Variants in GAD1 observed in about 807,000 individuals in gnomAD.
GAD1 encodes glutamate decarboxylase 1, also known as 67 kDa glutamic acid decarboxylase.
GAD1 carries 35 observed loss-of-function variants against 75.2 expected under a neutral mutation model. The observed-to-expected ratio is 0.47, with a 90% CI of 0.36 to 0.62. The LOEUF is 0.62. Ranked by LOEUF, GAD1 falls within the 20% of genes least tolerant of loss-of-function variation. The pLI is 0.00. For synonymous variants in GAD1, 257 were observed against 271.9 expected (o/e 0.95, Z 0.54); for missense variants, 490 against 758.5 (o/e 0.65, Z 4.16).
chr2:170,845,522 C>T lies in GAD1; in HGVS notation c.768C>T (p.Asn256=). ...TGCTGACAGGGGGCGCCATATCCAACATGTACAGCATCATGGCTGCTCGCT... is the reference window on the plus strand; with the variant it reads ...TGCTGACAGGGGGCGCCATATCCAATATGTACAGCATCATGGCTGCTCGCT... ...GIFSPGGAIS[N]MYSIMAARYK... Residue 256 remains asparagine (N), a synonymous_variant, in exon 8 of 17, where the codon AAC becomes AAT. Transcript: ENST00000358196. The T allele has an allele frequency of 6.2e-7, 1 of 1,613,762 alleles. No homozygotes were observed. Among genetic ancestry groups the T allele is most frequent in the Non-Finnish European group, 8.5e-7 (1 of 1,179,994 alleles).
intron 5 of GAD1, among the ~76,000 whole-genome samples, chr2:170,834,683 G>A (rs1002788658): frequency 1.3e-5 from 2 of 151,674 alleles, no homozygotes; most frequent in Non-Finnish European, 2.9e-5. Flanking sequence ...GCTTTTACCT[G>A]TACCGCCATC....
Position 170,842,318 on chromosome 2 carries a change from AT to A in GAD1, c.639-1724del, listed in dbSNP as rs570657785. On this transcript the variant is annotated intron_variant, in intron 6 of 16. Coordinates refer to ENST00000358196, the MANE Select transcript of GAD1 (RefSeq NM_000817.3). ...TATGGTTCTGATATTACGGTATGTG[AT>A]TTCATTTGTTCCTTGCCTTACCCCA... 3.3e-5 allele frequency among the ~76,000 whole-genome samples: 5 copies of A among 152,252 alleles called. No individual in the cohort carries two copies. In the South Asian group the frequency reaches 1.0e-3, roughly 32 times the overall value.
intron 12 of GAD1, 63 bp downstream of exon 12, chr2:170,849,413 G>A (rs1702704025): frequency 6.7e-7 from 1 of 1,481,794 alleles, no homozygotes; most frequent in Admixed American, 1.7e-5. Flanking sequence ...ATGCTCTGAT[G>A]TCAGCCTGCA....
rs574914792 is a variant in GAD1, at chr2:170,859,346, A to G, written c.1612-363A>G. On this transcript the variant is annotated intron_variant, in intron 16 of 16. Transcript: ENST00000358196. ...ATTTATATAACATTTCATTCATCCAACCATTCAACAAATATTTGTTAAACA... is the reference window on the plus strand; with the variant it reads ...ATTTATATAACATTTCATTCATCCAGCCATTCAACAAATATTTGTTAAACA... Among the ~76,000 whole-genome samples, 10 of 152,236 alleles carry G rather than the reference A, an allele frequency of 6.6e-5. No homozygotes were observed. The South Asian group carries it at 1.7e-3, about 25-fold the overall frequency.
chr2:170,844,870 G>A (rs1702598851), intron 7 of GAD1, among the ~76,000 whole-genome samples: 1 of 152,178 alleles, frequency 6.6e-6, no homozygotes, highest in South Asian at 2.1e-4. Flanking sequence ...ATTTGCCTAA[G>A]TTTAATTGTC....
Position 170,822,273 on chromosome 2 carries a change from A to G in GAD1, c.145+124A>G. The stretch of plus-strand genomic sequence containing the variant: ...ATGGGTCTGATTTTCTAATGTAATT[A>G]CAGCCAGGACAGCCAGCGACCACGC... On this transcript the variant is annotated intron_variant, in intron 3 of 16. Transcript: ENST00000358196. 4 of 805,908 alleles carry G rather than the reference A, an allele frequency of 5.0e-6. No homozygotes were observed. In the South Asian group the frequency reaches 6.1e-5, roughly 12 times the overall value. 49.9% of individuals were successfully genotyped at this position (805,908 alleles called of 1,614,324 possible). A position where few individuals can be genotyped will look rare whatever the true frequency, so the allele number is the denominator to read the frequency against.
At chr2:170,826,004 C>T (rs961014397) in intron 3 of GAD1, among the ~76,000 whole-genome samples, 1 of 152,190 alleles carries the variant, frequency 6.6e-6, no homozygotes, top group Non-Finnish European at 1.5e-5. Context: ...GAAGCAGTTC[C>T]TTCCAGGGCC....
Position 170,853,511 on chromosome 2 carries a change from T to A in GAD1, c.1264-362T>A. 3.6e-6 allele frequency: 1 copy of A among 278,120 alleles called. No homozygotes were observed. Among genetic ancestry groups the A allele is most frequent in the Non-Finnish European group, 7.1e-6 (1 of 141,590 alleles). 17.2% of individuals were successfully genotyped at this position (278,120 alleles called of 1,614,324 possible). On this transcript the variant is annotated intron_variant, in intron 13 of 16. Transcript: ENST00000358196. This position sits in a 1 kb window ranked among gnomAD's most constrained non-coding sequence, Gnocchi z 4.1. ...GAGCGCTTTTGGAGAGAAAAATTCT[T>A]CACAGCATGAAACTATCCCACCCAC...
At position 170,832,494 on chromosome 2, in the gene GAD1, G is replaced by T. The variant is rs572666318; in HGVS notation, c.547+1302G>T. On this transcript the variant is annotated intron_variant, in intron 5 of 16. Transcript: ENST00000358196. ...ACCTCATCTTAACATGATTACATCC[G>T]CAAAGACCCGATTTCCAAATAAGGT... is the stretch of plus-strand genomic sequence containing the variant. Among the ~76,000 whole-genome samples, 3 of 152,068 alleles carry T rather than the reference G, an allele frequency of 2.0e-5. No homozygotes were observed. The South Asian group carries it at 6.2e-4, about 32-fold the overall frequency.
At chr2:170,823,558 C>A (rs1277059247) in intron 3 of GAD1, among the ~76,000 whole-genome samples, 1 of 152,152 alleles carries the variant, frequency 6.6e-6, no homozygotes, top group African/African-American at 2.4e-5. Flanking sequence ...CAGCGCAGGA[C>A]GCCCGTGGGG....
chr2:170,841,763 A>G (rs1328569010), intron 6 of GAD1, among the ~76,000 whole-genome samples: 1 of 152,138 alleles, frequency 6.6e-6, no homozygotes, highest in Non-Finnish European at 1.5e-5. Flanking sequence ...TTCAGGAGAG[A>G]GTGTCAGGCC....
rs1701767074 is a variant in GAD1 at position 170,818,323 on chromosome 2, C to T, written c.-63-206C>T. On this transcript the variant is annotated intron_variant, in intron 1 of 16. Coordinates refer to ENST00000358196, the MANE Select transcript of GAD1 (RefSeq NM_000817.3). This position sits in a 1 kb window ranked among gnomAD's most constrained non-coding sequence, Gnocchi z 5.9. ...GAGCGGCCCAGGGCTACGCTCCCTG[C>T]GCCCCAGTACCGGAGCTAGCGCGCA... The T allele has an allele frequency of 1.9e-6, 1 of 526,990 alleles. No homozygotes were observed. The highest frequency in any genetic ancestry group is 3.3e-5 in the East Asian group (1 of 29,924). 32.6% of individuals were successfully genotyped at this position (526,990 alleles called of 1,614,324 possible). A position where few individuals can be genotyped will look rare whatever the true frequency, so the allele number is the denominator to read the frequency against.
chr2:170,856,069 T>G (rs1702845503), intron 14 of GAD1, among the ~76,000 whole-genome samples: 2 of 152,170 alleles, frequency 1.3e-5, no homozygotes, highest in African/African-American at 4.8e-5. Context: ...TGGTACAGGC[T>G]TCATTCCTAA....
intron 5 of GAD1, among the ~76,000 whole-genome samples, chr2:170,835,395 T>A (rs1702346330): frequency 6.6e-6 from 1 of 152,216 alleles, no homozygotes; most frequent in Non-Finnish European, 1.5e-5. Context: ...ATTTAGGCCA[T>A]GAGCGGCCCA....
chr2:170,838,480 C>T (rs1702425768), intron 6 of GAD1, among the ~76,000 whole-genome samples: 1 of 152,158 alleles, frequency 6.6e-6, no homozygotes, highest in South Asian at 2.1e-4. Flanking sequence ...TTGTTTTTAA[C>T]TCAACCATTT....
At chr2:170,828,602 TTCCCTCTGTTGTCCTTGC>T (rs1702113470) in intron 3 of GAD1, among the ~76,000 whole-genome samples, 2 of 100,958 alleles carry the variant, frequency 2.0e-5, no homozygotes, top group Admixed American at 9.9e-5. Flanking sequence ...ACCCCTCCTC[TTCCCTCTGTTGTCCTTGC>T]CCTCCTCCCT....
chr2:170,834,815 G>C (rs1490147364), intron 5 of GAD1, among the ~76,000 whole-genome samples: 1 of 150,546 alleles, frequency 6.6e-6, no homozygotes, highest in Non-Finnish European at 1.5e-5. Flanking sequence ...GCCCAAGCTG[G>C]AGTGGAGTGC....
intron 5 of GAD1, among the ~76,000 whole-genome samples, chr2:170,834,207 C>T (rs540640999): frequency 1.3e-5 from 2 of 152,262 alleles, no homozygotes; most frequent in South Asian, 2.1e-4. Context: ...CTGATAAAAG[C>T]ATGCTGTTGC....
intron 3 of GAD1, among the ~76,000 whole-genome samples, chr2:170,823,130 G>A (rs1422685102): frequency 6.6e-6 from 1 of 152,224 alleles, no homozygotes; most frequent in Non-Finnish European, 1.5e-5. Flanking sequence ...GATGTCCCCG[G>A]GCAGAGGTTG....
Sources: gnomAD v4.1 joint callset for allele counts (sites outside exome capture counted in the v4.1 genomes callset) on GRCh38, gnomAD v4.1.1 for gene constraint, Gnocchi (gnomAD v3.1) non-coding constraint, MANE v1.5 for transcripts, NCBI Gene and HGNC (gene_info 2026-07-23, HGNC 2026-07-21) for gene names.